The following ZNF385B variants were observed in gnomAD, a reference collection of about 807,000 sequenced individuals.
ZNF385B encodes zinc finger protein 533.
In ZNF385B, 23 loss-of-function variants were observed where a neutral mutation model predicts 39.2. The ratio of observed to expected loss-of-function variants is 0.59; its 90% CI spans 0.42 to 0.83. The LOEUF (loss-of-function observed/expected upper bound fraction) is 0.83, where lower values mean the gene tolerates loss of function less well. Among genes scored for constraint, ZNF385B ranks in the 40% least tolerant of loss-of-function variants. The probability of loss-of-function intolerance (pLI) is 0.00; values close to 1 mark genes in which losing one functional copy is unlikely to be tolerated. For synonymous variants in ZNF385B, 205 were observed against 222.6 expected (o/e 0.92, Z 0.70); for missense variants, 552 against 598.9 (o/e 0.92, Z 0.82).
At chr2:179,532,883 G>C (rs2059339350) in intron 4 of ZNF385B, among the ~76,000 whole-genome samples, 1 of 152,168 alleles carries the variant, frequency 6.6e-6, no homozygotes, top group South Asian at 2.1e-4. Context: ...TTAAAAGCTG[G>C]CCTCTGGAAA....
At chr2:179,658,576 T>C (rs1694070080) in intron 3 of ZNF385B, among the ~76,000 whole-genome samples, 1 of 152,162 alleles carries the variant, frequency 6.6e-6, no homozygotes, top group South Asian at 2.1e-4. Context: ...CTTATAATAC[T>C]GTTACCAAGT....
intron 1 of ZNF385B, among the ~76,000 whole-genome samples, chr2:179,808,125 C>T (rs957195188): frequency 3.3e-5 from 5 of 151,970 alleles, no homozygotes; most frequent in Non-Finnish European, 5.9e-5. Context: ...CTCCGCCTCC[C>T]AGGTTCACGC....
chr2:179,838,120 G>A (rs61292452), intron 1 of ZNF385B, among the ~76,000 whole-genome samples: 2,999 of 152,216 alleles, frequency 0.02, 79 homozygotes, highest in African/African-American at 0.068. Flanking sequence ...CTGGAATACA[G>A]AGGTGAATAA....
rs145072775 is a variant in ZNF385B, at chr2:179,443,441, T to C, written c.1270A>G (p.Met424Val). 7.5e-6 allele frequency: 12 copies of C among 1,605,994 alleles called. No homozygotes were observed. In the South Asian group the frequency reaches 1.3e-4, roughly 18 times the overall value. ...AGGAAGGCTGGGGCCAAAGGCTTCATCATATCTTTCTGGAATGCAAGTTTT... is the reference window on the plus strand; with the variant it reads ...AGGAAGGCTGGGGCCAAAGGCTTCACCATATCTTTCTGGAATGCAAGTTTT... ...AAKLAFQKDM[M>V]KPLAPAFLSS... The change falls in exon 10 of 10, where the codon ATG becomes GTG. Residue 424 changes from methionine to valine, a missense_variant. Physicochemically the swap from Met to Val is conservative, Grantham distance 21. Coordinates refer to ENST00000410066, the MANE Select transcript of ZNF385B (RefSeq NM_152520.6).
intron 3 of ZNF385B, among the ~76,000 whole-genome samples, chr2:179,559,439 C>T (rs571369711): frequency 5.3e-5 from 8 of 152,202 alleles, no homozygotes; most frequent in South Asian, 2.1e-4. Context: ...GGGGCACTAG[C>T]GATGTGCAAA....
At chr2:179,754,658 G>A (rs1050090389) in intron 3 of ZNF385B, among the ~76,000 whole-genome samples, 2 of 152,100 alleles carry the variant, frequency 1.3e-5, no homozygotes, top group African/African-American at 2.4e-5. Flanking sequence ...GTTTAGTCTT[G>A]GGAGGGTGTA....
At chr2:179,783,014 C>T (rs1366063644) in intron 1 of ZNF385B, among the ~76,000 whole-genome samples, 5 of 151,952 alleles carry the variant, frequency 3.3e-5, no homozygotes, top group Non-Finnish European at 7.4e-5. Context: ...AAAAATAGCC[C>T]GAATGGCCAA....
At chr2:179,672,269 C>T (rs1338358485) in intron 3 of ZNF385B, among the ~76,000 whole-genome samples, 1 of 152,182 alleles carries the variant, frequency 6.6e-6, no homozygotes, top group African/African-American at 2.4e-5. Context: ...GTGCCTACCC[C>T]ACCACTACAG....
chr2:179,743,020 G>A (rs889029401), intron 3 of ZNF385B, among the ~76,000 whole-genome samples: 1 of 152,006 alleles, frequency 6.6e-6, no homozygotes, highest in Admixed American at 6.6e-5. Flanking sequence ...TCTTTCTTCT[G>A]AGTGAATGTC....
chr2:179,761,863 G>A (rs1703418015), intron 3 of ZNF385B, among the ~76,000 whole-genome samples: 1 of 144,424 alleles, frequency 6.9e-6, no homozygotes, highest in Admixed American at 7.4e-5. Flanking sequence ...GTCTCCCAAA[G>A]TACTGGGATT....
chr2:179,538,247 G>T (rs931129998), intron 4 of ZNF385B, among the ~76,000 whole-genome samples: 2 of 152,052 alleles, frequency 1.3e-5, no homozygotes, highest in Non-Finnish European at 2.9e-5. Flanking sequence ...TAACATTTGG[G>T]TTGCAAAAGT....
chr2:179,822,251 T>C (rs142474819), intron 1 of ZNF385B, among the ~76,000 whole-genome samples: 2 of 152,278 alleles, frequency 1.3e-5, no homozygotes, highest in East Asian at 3.9e-4. Flanking sequence ...AACCACACAT[T>C]TTCCAAGTGG....
At chr2:179,765,981 G>A (rs546456281) in intron 3 of ZNF385B, among the ~76,000 whole-genome samples, 1 of 149,362 alleles carries the variant, frequency 6.7e-6, no homozygotes, top group Non-Finnish European at 1.5e-5. Context: ...CTGGGAAAAG[G>A]ATTTTGCTGC....
At chr2:179,640,328 T>C (rs1692152430) in intron 3 of ZNF385B, among the ~76,000 whole-genome samples, 1 of 152,112 alleles carries the variant, frequency 6.6e-6, no homozygotes, top group South Asian at 2.1e-4. Context: ...TTCTTGTTCT[T>C]AGGATGTCCA....
chr2:179,774,413 T>C (rs752728272), intron 1 of ZNF385B, among the ~76,000 whole-genome samples: 14 of 151,430 alleles, frequency 9.2e-5, no homozygotes, highest in African/African-American at 1.7e-4. Context: ...CAGGCTGGAG[T>C]GTAGTGGTGC....
At chr2:179,732,585 A>C (rs1434779761) in intron 3 of ZNF385B, among the ~76,000 whole-genome samples, 1 of 152,232 alleles carries the variant, frequency 6.6e-6, no homozygotes, top group African/African-American at 2.4e-5. Context: ...GTTGAATATA[A>C]GATAAAATCA....
intron 4 of ZNF385B, among the ~76,000 whole-genome samples, chr2:179,531,516 A>T (rs1161149248): frequency 6.6e-6 from 1 of 152,026 alleles, no homozygotes; most frequent in Non-Finnish European, 1.5e-5. Context: ...GGCACCTGTA[A>T]TCCCAGCTAC....
intron 5 of ZNF385B, among the ~76,000 whole-genome samples, chr2:179,506,695 A>T (rs1212183801): frequency 6.6e-6 from 1 of 152,088 alleles, no homozygotes; most frequent in Non-Finnish European, 1.5e-5. Flanking sequence ...GTGGCATAGT[A>T]CTGTATTCAA....
chr2:179,555,183 C>T (rs1364597786), intron 3 of ZNF385B, among the ~76,000 whole-genome samples: 1 of 149,714 alleles, frequency 6.7e-6, no homozygotes, highest in Non-Finnish European at 1.5e-5. Flanking sequence ...TTACATGCAA[C>T]AACCAATAGA....
Sources: allele counts gnomAD v4.1 joint callset (sites outside exome capture counted in the v4.1 genomes callset), GRCh38; gene constraint gnomAD v4.1.1; transcripts MANE v1.5; gene names NCBI Gene and HGNC (gene_info 2026-07-23, HGNC 2026-07-21).